The following CDIN1 variants were observed in gnomAD, a reference collection of about 807,000 sequenced individuals.
CDIN1 encodes the protein CDAN1 interacting nuclease 1.
CDIN1 carries 33 observed loss-of-function variants against 45.3 expected under a neutral mutation model. That is an observed-to-expected ratio of 0.73 (90% CI 0.55 to 0.97). The LOEUF (loss-of-function observed/expected upper bound fraction) is 0.97, where lower values mean the gene tolerates loss of function less well. Among genes scored for constraint, CDIN1 ranks in the 50% least tolerant of loss-of-function variants. The pLI is 0.00. For missense variants in CDIN1, 303 were observed against 339.4 expected (o/e 0.89, Z 0.84); for synonymous variants, 118 against 124.4 (o/e 0.95, Z 0.34).
At chr15:36,673,790 A>G (rs17714070) in intron 5 of CDIN1, among the ~76,000 whole-genome samples, 18,564 of 152,088 alleles carry the variant, frequency 0.12, 1,168 homozygotes, top group Middle Eastern at 0.16. Flanking sequence ...AGGCTTCCAC[A>G]TTTGAACAAA....
At chr15:36,804,813 C>T (rs2055174868) in intron 10 of CDIN1, among the ~76,000 whole-genome samples, 1 of 149,168 alleles carries the variant, frequency 6.7e-6, no homozygotes, top group South Asian at 2.2e-4. Context: ...GCTAGGACTA[C>T]AGGCGAGCAC....
intron 5 of CDIN1, among the ~76,000 whole-genome samples, chr15:36,661,555 A>C (rs941368487): frequency 5.3e-5 from 8 of 152,202 alleles, no homozygotes; most frequent in African/African-American, 1.9e-4. Flanking sequence ...GACCAGTTAC[A>C]GACTGAGTTG....
intron 10 of CDIN1, among the ~76,000 whole-genome samples, chr15:36,748,348 T>C (rs987641461): frequency 3.3e-5 from 5 of 152,240 alleles, no homozygotes; most frequent in Non-Finnish European, 7.3e-5. Flanking sequence ...TTTGTGACTT[T>C]GTTATAATTC....
chr15:36,678,451 G>A (rs74008745), intron 5 of CDIN1, among the ~76,000 whole-genome samples: 3,443 of 152,270 alleles, frequency 0.023, 117 homozygotes, highest in African/African-American at 0.072. Context: ...ACATGAAGAG[G>A]CAAAGCTCCT....
Position 36,650,583 on chromosome 15 carries a change from C to T in CDIN1, c.213-3515C>T, listed in dbSNP as rs1019603058. Among the ~76,000 whole-genome samples the T allele has an allele frequency of 2.0e-5, 3 of 151,866 alleles. No individual in the cohort carries two copies. The East Asian group carries it at 5.9e-4, about 30-fold the overall frequency. On this transcript the variant is annotated intron_variant, in intron 3 of 10. Transcript: ENST00000566621. ...TCAGCCTCCTGAGTAGTTGGGACTA[C>T]AGGCACGCGCCACCATGCTGGGCTA... is the stretch of plus-strand genomic sequence containing the variant.
chr15:36,775,495 T>C (rs957725689), intron 10 of CDIN1, among the ~76,000 whole-genome samples: 1 of 152,212 alleles, frequency 6.6e-6, no homozygotes, highest in Non-Finnish European at 1.5e-5. Flanking sequence ...ACCAGAAGCC[T>C]GGGTCAGGCA....
At chr15:36,637,532 GT>G (rs1219291530) in intron 1 of CDIN1, among the ~76,000 whole-genome samples, 1 of 152,118 alleles carries the variant, frequency 6.6e-6, no homozygotes, top group South Asian at 2.1e-4. Context: ...GTTTAAAGTC[GT>G]TACAAACACT....
intron 10 of CDIN1, among the ~76,000 whole-genome samples, chr15:36,774,351 A>G (rs1424581210): frequency 6.6e-6 from 1 of 151,966 alleles, no homozygotes; most frequent in East Asian, 1.9e-4. Context: ...CCCCCAATTG[A>G]TAAGTTGAGC....
chr15:36,601,073 A>T (rs2038075400), intron 1 of CDIN1, among the ~76,000 whole-genome samples: 1 of 152,176 alleles, frequency 6.6e-6, no homozygotes, highest in Non-Finnish European at 1.5e-5. Context: ...TCAAAAAAAA[A>T]AAAGTAAAAG....
intron 8 of CDIN1, among the ~76,000 whole-genome samples, chr15:36,699,737 T>G (rs930029853): frequency 6.6e-6 from 1 of 152,220 alleles, no homozygotes; most frequent in Non-Finnish European, 1.5e-5. Context: ...AATAAATTAC[T>G]AATTCTTTCT....
chr15:36,608,061 C>T (rs1213826896), intron 1 of CDIN1, among the ~76,000 whole-genome samples: 3 of 152,104 alleles, frequency 2.0e-5, no homozygotes, highest in Non-Finnish European at 4.4e-5. Flanking sequence ...AATATACTAC[C>T]TTTTGTTTAT....
Position 36,776,499 on chromosome 15 carries a change from G to GC in CDIN1, c.717-31825_717-31824insC, listed in dbSNP as rs879517010. Among the ~76,000 whole-genome samples the GC allele has an allele frequency of 2.4e-3, 365 of 152,342 alleles. 1 individual carries two copies. The Middle Eastern group carries it at 0.041, about 17-fold the overall frequency. On this transcript the variant is annotated intron_variant, in intron 10 of 10. Coordinates refer to ENST00000566621, the MANE Select transcript of CDIN1 (RefSeq NM_001321759.2). ...GCATCAGAATCCTTGTTCTATGCCA[G>GC]TGCCAAGTCACATAGAGCTAAAAAA...
intron 10 of CDIN1, among the ~76,000 whole-genome samples, chr15:36,732,505 G>A (rs1167744136): frequency 6.6e-6 from 1 of 152,080 alleles, no homozygotes; most frequent in East Asian, 1.9e-4. Context: ...GTGGCATTAT[G>A]TATGAAATTG....
intron 7 of CDIN1, chr15:36,696,549 A>G (rs916448040): frequency 5.9e-5 from 9 of 152,240 alleles, no homozygotes; most frequent in Admixed American, 5.9e-4. Flanking sequence ...TAATAAATGT[A>G]TGCTAAATTG....
intron 7 of CDIN1, among the ~76,000 whole-genome samples, chr15:36,695,423 T>C (rs1009409789): frequency 1.3e-5 from 2 of 152,190 alleles, no homozygotes; most frequent in African/African-American, 2.4e-5. Context: ...TTTCAGACTT[T>C]GGGCAATCTC....
chr15:36,703,401 A>ATATATATATATC lies in CDIN1; in HGVS notation c.545-5821_545-5820insATATATATATCT, dbSNP rs67311485. On this transcript the variant is annotated intron_variant, in intron 8 of 10. Transcript: ENST00000566621. ...ATATATATATCAGATATATATATAT[A>ATATATATATATC]TGATATACATATATATCAGATATAT... 2.3e-4 allele frequency among the ~76,000 whole-genome samples: 14 copies of ATATATATATATC among 60,222 alleles called. 2 individuals carry two copies. Among genetic ancestry groups the ATATATATATATC allele is most frequent in the Non-Finnish European group, 3.7e-4 (13 of 35,234 alleles). The allele number at this position is 60,222 out of a possible 152,430, so 39.5% of individuals were successfully genotyped here.
intron 10 of CDIN1, among the ~76,000 whole-genome samples, chr15:36,806,446 G>A (rs990428788): frequency 1.3e-4 from 20 of 152,036 alleles, no homozygotes; most frequent in Non-Finnish European, 2.9e-4. Flanking sequence ...ATATTCTTTT[G>A]TTCTTCTCTG....
intron 1 of CDIN1, chr15:36,618,981 G>A (rs12443256): frequency 0.11 from 170,017 of 1,515,734 alleles, 11,091 homozygotes; most frequent in South Asian, 0.2. Context: ...CCCCTAAAGA[G>A]CCATCTTCAG....
At chr15:36,725,549 A>C (rs137920444) in intron 10 of CDIN1, among the ~76,000 whole-genome samples, 138 of 152,294 alleles carry the variant, frequency 9.1e-4, no homozygotes, top group African/African-American at 3.2e-3. Context: ...TTTGAGGATT[A>C]CTTCTGAAGT....
Sources: gnomAD v4.1 joint callset for allele counts (sites outside exome capture counted in the v4.1 genomes callset) on GRCh38, gnomAD v4.1.1 for gene constraint, MANE v1.5 for transcripts, NCBI Gene and HGNC (gene_info 2026-07-23, HGNC 2026-07-21) for gene names.